The following HCN1 variants were observed in gnomAD, a reference collection of about 807,000 sequenced individuals.
The protein encoded by HCN1 is hyperpolarization activated cyclic nucleotide gated potassium channel 1.
Under a neutral mutation model 78.9 loss-of-function variants are expected in HCN1, and 13 were observed. The observed-to-expected ratio is 0.16, with a 90% CI of 0.11 to 0.26. The LOEUF (loss-of-function observed/expected upper bound fraction) is 0.26, where lower values mean the gene tolerates loss of function less well. Ranked by LOEUF, HCN1 falls within the 10% of genes least tolerant of loss-of-function variation. The pLI is 1.00. For synonymous variants in HCN1, 552 were observed against 455.5 expected (o/e 1.21, Z -2.70); for missense variants, 810 against 1,154.3 (o/e 0.70, Z 4.32).
At chr5:45,409,111 G>T (rs1739980442) in intron 3 of HCN1, among the ~76,000 whole-genome samples, 1 of 151,986 alleles carries the variant, frequency 6.6e-6, no homozygotes, top group Non-Finnish European at 1.5e-5. Flanking sequence ...AATGTGGAAA[G>T]AATTTGGACT....
chr5:45,353,963 C>A (rs559945646), intron 4 of HCN1, among the ~76,000 whole-genome samples: 17 of 151,966 alleles, frequency 1.1e-4, no homozygotes, highest in African/African-American at 3.9e-4. Flanking sequence ...GAAGGCTGAT[C>A]TTCAGGCTTA....
chr5:45,650,040 C>T (rs1745647581), intron 1 of HCN1, among the ~76,000 whole-genome samples: 1 of 151,986 alleles, frequency 6.6e-6, no homozygotes, highest in East Asian at 1.9e-4. Context: ...GATGTTTTTA[C>T]ATATCATATA....
chr5:45,489,798 C>T (rs1323663774), intron 2 of HCN1, among the ~76,000 whole-genome samples: 1 of 152,124 alleles, frequency 6.6e-6, no homozygotes, highest in Non-Finnish European at 1.5e-5. Context: ...AGTGAAGGTA[C>T]GAAGTAGTAG....
At chr5:45,601,659 CCA>C (rs1744628409) in intron 2 of HCN1, among the ~76,000 whole-genome samples, 1 of 152,136 alleles carries the variant, frequency 6.6e-6, no homozygotes, top group South Asian at 2.1e-4. Flanking sequence ...TGTCTGAGCT[CCA>C]GTTATTCATG....
intron 3 of HCN1, among the ~76,000 whole-genome samples, chr5:45,432,964 G>A (rs1192165404): frequency 6.6e-6 from 1 of 152,100 alleles, no homozygotes; most frequent in Non-Finnish European, 1.5e-5. Flanking sequence ...GCAGGCAAGA[G>A]AGTGTGTGCA....
chr5:45,267,049 A>T, intron 7 of HCN1, 40 bp downstream of exon 7: 1 of 1,518,704 alleles, frequency 6.6e-7, no homozygotes, highest in Non-Finnish European at 9.1e-7. Context: ...TTATGCCAGG[A>T]GATTAAATTT....
At chr5:45,308,320 C>T (rs1043180026) in intron 5 of HCN1, among the ~76,000 whole-genome samples, 24 of 151,890 alleles carry the variant, frequency 1.6e-4, no homozygotes, top group African/African-American at 4.3e-4. Context: ...TCAGGTATTC[C>T]TTTATAGCAA....
At chr5:45,543,036 G>A (rs928020100) in intron 2 of HCN1, among the ~76,000 whole-genome samples, 3 of 152,098 alleles carry the variant, frequency 2.0e-5, no homozygotes, top group African/African-American at 7.2e-5. Context: ...AATAGAAGAT[G>A]GTCCCCAAAG....
chr5:45,300,712 C>T (rs1745596297), intron 6 of HCN1, among the ~76,000 whole-genome samples: 1 of 152,050 alleles, frequency 6.6e-6, no homozygotes, highest in African/African-American at 2.4e-5. Flanking sequence ...CCCCTAATCT[C>T]CACATTGTTC....
chr5:45,353,061 T>C (rs746314025), intron 5 of HCN1, 39 bp downstream of exon 5: 14 of 1,523,758 alleles, frequency 9.2e-6, no homozygotes, highest in Middle Eastern at 2.0e-4. Context: ...AAATAAACAA[T>C]GATTATGTAT....
chr5:45,534,230 CTACAAAAAA>C (rs1742918003), intron 2 of HCN1, among the ~76,000 whole-genome samples: 2 of 150,754 alleles, frequency 1.3e-5, no homozygotes, highest in African/African-American at 4.9e-5. Context: ...ACACCCGTCT[CTACAAAAAA>C]TACAAAAAGT....
intron 3 of HCN1, among the ~76,000 whole-genome samples, chr5:45,436,978 A>C (rs1447964508): frequency 6.6e-6 from 1 of 152,142 alleles, no homozygotes; most frequent in African/African-American, 2.4e-5. Flanking sequence ...ATTATCTAGT[A>C]CTCTATGCCC....
intron 7 of HCN1, among the ~76,000 whole-genome samples, chr5:45,265,604 T>A (rs1209979837): frequency 6.6e-6 from 1 of 152,184 alleles, no homozygotes; most frequent in Non-Finnish European, 1.5e-5. Context: ...GAAAGGAAGA[T>A]GTGAATGTGA....
At chr5:45,681,279 T>C (rs1405385914) in intron 1 of HCN1, among the ~76,000 whole-genome samples, 6 of 152,140 alleles carry the variant, frequency 3.9e-5, no homozygotes, top group Admixed American at 2.6e-4. Context: ...TTGCTGGGGA[T>C]AGTTTTCCTG....
chr5:45,669,978 G>T (rs1030090656), intron 1 of HCN1, among the ~76,000 whole-genome samples: 9 of 151,648 alleles, frequency 5.9e-5, no homozygotes, highest in African/African-American at 2.2e-4. Flanking sequence ...ATGAAGGGAG[G>T]TGTAAAGTTG....
chr5:45,460,746 TAGAAAAGGA>T (rs1312461248), intron 3 of HCN1, among the ~76,000 whole-genome samples: 1 of 145,430 alleles, frequency 6.9e-6, no homozygotes, highest in Non-Finnish European at 1.5e-5. Flanking sequence ...GGGAAGAAGA[TAGAAAAGGA>T]AGAAAAGAAG....
intron 3 of HCN1, among the ~76,000 whole-genome samples, chr5:45,406,203 C>T (rs1321567088): frequency 1.3e-5 from 2 of 152,046 alleles, no homozygotes; most frequent in African/African-American, 4.8e-5. Context: ...GTTTCAATTA[C>T]AATTAGCTTT....
In HCN1 at chr5:45,491,685, G is replaced by A. The variant is rs573908319; in HGVS notation, c.850-29678C>T. Among the ~76,000 whole-genome samples, 4 of 152,214 alleles carry A rather than the reference G, an allele frequency of 2.6e-5. No individual in the cohort carries two copies. In the East Asian group the frequency reaches 5.8e-4, roughly 22 times the overall value. On this transcript the variant is annotated intron_variant, in intron 2 of 7. Coordinates refer to ENST00000303230, the MANE Select transcript of HCN1 (RefSeq NM_021072.4). ...TATAGGACATTTTCAGTTGAATAAC[G>A]TAATTCCAACACTTCGTGTCCTTTA... is the stretch of plus-strand genomic sequence containing the variant.
At chr5:45,431,746 G>C (rs764956755) in intron 3 of HCN1, among the ~76,000 whole-genome samples, 57 of 151,950 alleles carry the variant, frequency 3.8e-4, no homozygotes, top group Non-Finnish European at 6.6e-4. Flanking sequence ...ATGATTATAG[G>C]TGTGTAGCAT....
Sources: allele counts gnomAD v4.1 joint callset (sites outside exome capture counted in the v4.1 genomes callset), GRCh38; gene constraint gnomAD v4.1.1; transcripts MANE v1.5; gene names NCBI Gene and HGNC (gene_info 2026-07-23, HGNC 2026-07-21).